KCNQ4: variants seen among roughly 807,000 people sequenced by gnomAD.
The protein encoded by KCNQ4 is potassium voltage-gated channel subfamily KQT member 4.
A neutral mutation model predicts 72.6 loss-of-function variants in KCNQ4; 31 were observed. The ratio of observed to expected loss-of-function variants is 0.43; its 90% confidence interval spans 0.32 to 0.58. The LOEUF (loss-of-function observed/expected upper bound fraction) is 0.58. Among genes scored for constraint, KCNQ4 ranks in the 20% least tolerant of loss-of-function variants. The pLI is 0.08. For synonymous variants in KCNQ4, 405 were observed against 403.7 expected (o/e 1.00, Z -0.04); for missense variants, 869 against 962.6 (o/e 0.90, Z 1.29).
At chr1:40,810,184 T>C (rs1647892422) in intron 1 of KCNQ4, among the ~76,000 whole-genome samples, 1 of 152,194 alleles carries the variant, frequency 6.6e-6, no homozygotes, top group East Asian at 1.9e-4. Flanking sequence ...CCCTTCACTT[T>C]AGGCCACACC....
intron 1 of KCNQ4, among the ~76,000 whole-genome samples, chr1:40,799,440 C>A (rs149387202): frequency 1.3e-5 from 2 of 148,780 alleles, no homozygotes; most frequent in Admixed American, 6.6e-5. Flanking sequence ...ATGCCCCCCC[C>A]CTCGCTAGGC....
intron 1 of KCNQ4, among the ~76,000 whole-genome samples, chr1:40,785,498 C>T (rs919939298): frequency 6.6e-6 from 1 of 152,222 alleles, no homozygotes; most frequent in South Asian, 2.1e-4. Flanking sequence ...GACTGTCTAG[C>T]AGCCCTCCTG....
At chr1:40,807,290 C>T (rs955800031) in intron 1 of KCNQ4, among the ~76,000 whole-genome samples, 16 of 152,178 alleles carry the variant, frequency 1.1e-4, no homozygotes, top group South Asian at 4.1e-4. Context: ...AGTCACAAGG[C>T]GGAAGGGACT....
At chr1:40,834,301 C>T (rs187456396) in intron 11 of KCNQ4, among the ~76,000 whole-genome samples, 1 of 152,310 alleles carries the variant, frequency 6.6e-6, no homozygotes, top group Non-Finnish European at 1.5e-5. Flanking sequence ...TCATCCTGGA[C>T]TCAGACCAGG....
At chr1:40,816,827 A>T (rs1260872609) in intron 1 of KCNQ4, among the ~76,000 whole-genome samples, 1 of 152,214 alleles carries the variant, frequency 6.6e-6, no homozygotes, top group East Asian at 1.9e-4. Flanking sequence ...TGGAGTGCAT[A>T]AGAAAGAAGG....
chr1:40,825,948 G>T (rs78209205), intron 9 of KCNQ4, among the ~76,000 whole-genome samples: 1 of 152,130 alleles, frequency 6.6e-6, no homozygotes. Flanking sequence ...TCCCAGCCTC[G>T]TATCTATCTG....
At chr1:40,828,737 C>T (rs1236637250) in intron 9 of KCNQ4, among the ~76,000 whole-genome samples, 1 of 152,200 alleles carries the variant, frequency 6.6e-6, no homozygotes, top group Non-Finnish European at 1.5e-5. Context: ...GGGGAAAGAG[C>T]TTTTTGGTGC....
At chr1:40,789,344 A>G (rs1418054826) in intron 1 of KCNQ4, among the ~76,000 whole-genome samples, 2 of 152,172 alleles carry the variant, frequency 1.3e-5, no homozygotes, top group African/African-American at 2.4e-5. Context: ...TTTGTCTCCC[A>G]GATCAGGACT....
At chr1:40,827,799 G>A (rs1648527597) in intron 9 of KCNQ4, among the ~76,000 whole-genome samples, 1 of 152,228 alleles carries the variant, frequency 6.6e-6, no homozygotes, top group Admixed American at 6.5e-5. Context: ...TTCCTCAGAT[G>A]TAAAATGCAG....
At chr1:40,792,047 TG>T (rs1425878792) in intron 1 of KCNQ4, among the ~76,000 whole-genome samples, 2 of 123,742 alleles carry the variant, frequency 1.6e-5, no homozygotes, top group African/African-American at 3.0e-5. Flanking sequence ...GGGTCGGGGG[TG>T]GGGTAGGGAT....
At chr1:40,819,823 C>T (rs1558015353) in intron 5 of KCNQ4, 52 bp from the exon 6 acceptor site, 1 of 1,410,094 alleles carries the variant, frequency 7.1e-7, no homozygotes, top group East Asian at 2.3e-5. Flanking sequence ...CCCCAACAAG[C>T]CGTAGGTGGC....
chr1:40,829,520 GC>G (rs1648575150), intron 9 of KCNQ4, among the ~76,000 whole-genome samples: 1 of 152,110 alleles, frequency 6.6e-6, no homozygotes, highest in Non-Finnish European at 1.5e-5. Flanking sequence ...TCCTGAAGGT[GC>G]CCCTGGTTTC....
At chr1:40,811,075 C>T (rs1647919208) in intron 1 of KCNQ4, among the ~76,000 whole-genome samples, 1 of 152,232 alleles carries the variant, frequency 6.6e-6, no homozygotes, top group Non-Finnish European at 1.5e-5. Context: ...GAACCGCCCT[C>T]TCCTTATCAG....
intron 8 of KCNQ4, among the ~76,000 whole-genome samples, chr1:40,822,823 A>G (rs1379177525): frequency 2.0e-5 from 3 of 152,206 alleles, no homozygotes; most frequent in Non-Finnish European, 2.9e-5. Flanking sequence ...ACTTAGGTGC[A>G]TGCTCCTACC....
intron 9 of KCNQ4, among the ~76,000 whole-genome samples, chr1:40,824,899 T>C (rs1648431495): frequency 6.6e-6 from 1 of 152,242 alleles, no homozygotes; most frequent in Non-Finnish European, 1.5e-5. Context: ...GTTTCCTTCC[T>C]TACTGAGGTA....
At chr1:40,800,235 C>T (rs1178454839) in intron 1 of KCNQ4, among the ~76,000 whole-genome samples, 1 of 152,032 alleles carries the variant, frequency 6.6e-6, no homozygotes, top group Non-Finnish European at 1.5e-5. Context: ...AGGCCCCTCC[C>T]AGGGAGGGAT....
rs572314350 is a variant in KCNQ4 at position 40,799,334 on chromosome 1, T to C, written c.314+14927T>C. ...ATGTTGGGGCAAAGTTGAGGGAAGA[T>C]GATTGGGGTGCAGAGCAGGAGTGTT... On this transcript the variant is annotated intron_variant, in intron 1 of 13. Transcript: ENST00000347132. Among the ~76,000 whole-genome samples, 5 of 152,240 alleles carry C rather than the reference T, an allele frequency of 3.3e-5. No homozygotes were observed. In the East Asian group the frequency reaches 9.7e-4, roughly 29 times the overall value.
Position 40,784,446 on chromosome 1 carries a change from G to A in KCNQ4, c.314+39G>A. On this transcript the variant is annotated intron_variant, in intron 1 of 13. Transcript: ENST00000347132. This position sits in a 1 kb window ranked among gnomAD's most constrained non-coding sequence, Gnocchi z 4.1. ...CCCGCGCCCTTCCGCGTTTCCCCGCGCAAGCCTGGCCTCCCGGGGCACGGC... is the reference window on the plus strand; with the variant it reads ...CCCGCGCCCTTCCGCGTTTCCCCGCACAAGCCTGGCCTCCCGGGGCACGGC... 1 of 1,591,694 alleles carries A rather than the reference G, an allele frequency of 6.3e-7. No individual in the cohort carries two copies. The highest frequency in any genetic ancestry group is 8.5e-7 in the Non-Finnish European group (1 of 1,169,836).
chr1:40,809,752 G>A (rs1049086789), intron 1 of KCNQ4, among the ~76,000 whole-genome samples: 2 of 152,144 alleles, frequency 1.3e-5, no homozygotes, highest in African/African-American at 2.4e-5. Context: ...AAATTGGACT[G>A]TGTCATTTCC....
Sources: allele counts gnomAD v4.1 joint callset (sites outside exome capture counted in the v4.1 genomes callset), GRCh38; gene constraint gnomAD v4.1.1; non-coding constraint Gnocchi (gnomAD v3.1); transcripts MANE v1.5; gene names NCBI Gene and HGNC (gene_info 2026-07-23, HGNC 2026-07-21).